Variants in LRCH2 observed in about 807,000 individuals in gnomAD.
LRCH2 encodes leucine-rich repeat and calponin homology domain-containing protein 2.
LRCH2 carries 38 observed loss-of-function variants against 68.9 expected under a neutral mutation model. The ratio of observed to expected loss-of-function variants is 0.55; its 90% CI spans 0.43 to 0.72. The LOEUF (loss-of-function observed/expected upper bound fraction) is 0.72. Among genes scored for constraint, LRCH2 ranks in the 30% least tolerant of loss-of-function variants. The pLI, the probability that LRCH2 is intolerant of heterozygous loss-of-function variation, is 0.00. For synonymous variants in LRCH2, 191 were observed against 208.1 expected (o/e 0.92, Z 0.71); for missense variants, 528 against 572.9 (o/e 0.92, Z 0.80).
At chrX:115,193,776 C>T (rs192881466) in intron 1 of LRCH2, among the ~76,000 whole-genome samples, 231 of 111,011 alleles carry the variant, frequency 2.1e-3, no homozygotes, top group Non-Finnish European at 3.4e-3. Context: ...TGGCATCTAC[C>T]CACTAGATGC....
At chrX:115,113,437 A>T in intron 20 of LRCH2, 102 bp from the exon 21 acceptor site, 1 of 639,521 alleles carries the variant, frequency 1.6e-6, no homozygotes, top group Admixed American at 4.3e-5. Context: ...AAATGTCAAG[A>T]AAACTACATA....
chrX:115,133,843 C>T (rs1428644240), intron 14 of LRCH2, among the ~76,000 whole-genome samples: 1 of 111,667 alleles, frequency 9.0e-6, no homozygotes. Flanking sequence ...CCACAATGGC[C>T]TCTTTAAGTG....
chrX:115,130,012 CAT>C lies in LRCH2; in HGVS notation c.1740+141_1740+142del, dbSNP rs113974098. On this transcript the variant is annotated intron_variant, in intron 15 of 20. Transcript: ENST00000317135. Reference sequence around the variant, plus strand: ...AAATTAATAATTGTATGATGATGCTCATATGTTTTTATTGTTGAAAAAAAACC... The same window carrying C: ...AAATTAATAATTGTATGATGATGCTCATGTTTTTATTGTTGAAAAAAAACC... The C allele has an allele frequency of 1.2e-4, 43 of 366,429 alleles. 1 individual carries two copies. Among genetic ancestry groups the C allele is most frequent in the African/African-American group, 6.5e-4 (24 of 37,157 alleles). The allele number at this position is 366,429 out of a possible 1,213,427, so 30.2% of individuals were successfully genotyped here.
At chrX:115,182,811 C>G (rs1187520145) in intron 3 of LRCH2, among the ~76,000 whole-genome samples, 1 of 84,401 alleles carries the variant, frequency 1.2e-5, no homozygotes, top group African/African-American at 4.9e-5. Flanking sequence ...CCACCCTGGG[C>G]GACAGAGTGA....
chrX:115,114,910 T>C (rs1338733314), intron 20 of LRCH2, among the ~76,000 whole-genome samples: 1 of 110,685 alleles, frequency 9.0e-6, no homozygotes, highest in African/African-American at 3.3e-5. Flanking sequence ...TTCTATGAAG[T>C]AGCAATAAAA....
At chrX:115,223,248 A>G (rs2073096626) in intron 1 of LRCH2, among the ~76,000 whole-genome samples, 2 of 111,770 alleles carry the variant, frequency 1.8e-5, no homozygotes, top group Admixed American at 9.5e-5. Flanking sequence ...CTCAGAATAC[A>G]TAAGGATAAA....
intron 5 of LRCH2, among the ~76,000 whole-genome samples, chrX:115,177,046 CTTTTTTTTTTT>C (rs35686915): frequency 1.5e-5 from 1 of 66,661 alleles, no homozygotes; most frequent in East Asian, 4.4e-4. Context: ...CGCACCCAGC[CTTTTTTTTTTT>C]TTTTTTTTTT....
At chrX:115,188,623 G>A (rs1381597425) in intron 1 of LRCH2, among the ~76,000 whole-genome samples, 1 of 111,906 alleles carries the variant, frequency 8.9e-6, no homozygotes, top group Non-Finnish European at 1.9e-5. Context: ...TTGAGCTCAG[G>A]AGTTGGAGAC....
At chrX:115,117,538 A>C (rs1390741739) in intron 20 of LRCH2, among the ~76,000 whole-genome samples, 1 of 111,725 alleles carries the variant, frequency 9.0e-6, no homozygotes, top group Non-Finnish European at 1.9e-5. Flanking sequence ...ACTGGAAACA[A>C]CCCAAATGTC....
In LRCH2 at chrX:115,170,293, CA is replaced by C; in HGVS notation, c.998+5del. ...ATCAAATGAAACTGTAAGAATGTTA[CA>C]TTACCTGTCTGTGAGAGGCTGTGAG... On this transcript the variant is annotated splice_donor_5th_base_variant and intron_variant, in intron 6 of 20. Coordinates refer to ENST00000317135, the MANE Select transcript of LRCH2 (RefSeq NM_020871.4). The C allele has an allele frequency of 8.6e-7, 1 of 1,158,555 alleles. No homozygotes were observed. Among genetic ancestry groups the C allele is most frequent in the Non-Finnish European group, 1.1e-6 (1 of 872,144 alleles).
At chrX:115,220,914 G>A (rs2073074024) in intron 1 of LRCH2, among the ~76,000 whole-genome samples, 2 of 109,086 alleles carry the variant, frequency 1.8e-5, no homozygotes, top group African/African-American at 6.7e-5. Flanking sequence ...CCGGCCAGGC[G>A]CAGTGGCTCA....
intron 3 of LRCH2, among the ~76,000 whole-genome samples, chrX:115,184,205 A>G (rs911889301): frequency 1.3e-4 from 15 of 112,398 alleles, no homozygotes; most frequent in African/African-American, 4.8e-4. Flanking sequence ...CGTCACAAGG[A>G]CTAAGGAAGA....
intron 12 of LRCH2, among the ~76,000 whole-genome samples, chrX:115,153,605 A>G (rs182323130): frequency 9.0e-6 from 1 of 111,355 alleles, no homozygotes; most frequent in East Asian, 2.8e-4. Flanking sequence ...ACAGATACAT[A>G]AAAAGTAAAA....
chrX:115,192,087 C>T (rs1556560766), intron 1 of LRCH2: 8 of 1,166,235 alleles, frequency 6.9e-6, no homozygotes, highest in South Asian at 3.8e-5. Context: ...ATGCCCACAG[C>T]GGGGACCACT....
intron 11 of LRCH2, among the ~76,000 whole-genome samples, chrX:115,160,609 A>G (rs782290014): frequency 1.7e-4 from 19 of 111,976 alleles, no homozygotes; most frequent in Non-Finnish European, 3.4e-4. Flanking sequence ...TTTAATCAAG[A>G]CTAAAAACAA....
intron 16 of LRCH2, 86 bp downstream of exon 16, chrX:115,126,757 C>A: frequency 1.5e-6 from 1 of 685,649 alleles, no homozygotes; most frequent in Non-Finnish European, 2.1e-6. Context: ...AATCAGGTTA[C>A]AGAGAACTGG....
intron 16 of LRCH2, among the ~76,000 whole-genome samples, chrX:115,125,789 T>G (rs1237804914): frequency 2.8e-5 from 3 of 105,874 alleles, no homozygotes; most frequent in Non-Finnish European, 5.8e-5. Flanking sequence ...ATGCTTATAC[T>G]TGTAACTTAA....
chrX:115,149,965 T>C, intron 13 of LRCH2, 22 bp from the exon 14 acceptor site: 2 of 1,151,418 alleles, frequency 1.7e-6, no homozygotes, highest in South Asian at 3.9e-5. Flanking sequence ...CAATTTATTT[T>C]AACTAAATAA....
At position 115,189,801 on chromosome X, in the gene LRCH2, A is replaced by AC. The variant is rs781840406; in HGVS notation, c.350-1432dup. 46 of 1,163,205 alleles carry AC rather than the reference A, an allele frequency of 4.0e-5. No homozygotes were observed. The South Asian group carries it at 8.4e-4, about 21-fold the overall frequency. On this transcript the variant is annotated intron_variant, in intron 1 of 20. Transcript: ENST00000317135. ...GTGGGGGTGGCAGCAGCCCACAGCG[A>AC]CCCCCCTCTCAGGGCAGGCCTGATG...
Sources: gnomAD v4.1 joint callset for allele counts (sites outside exome capture counted in the v4.1 genomes callset) on GRCh38, gnomAD v4.1.1 for gene constraint, MANE v1.5 for transcripts, NCBI Gene and HGNC (gene_info 2026-07-23, HGNC 2026-07-21) for gene names.